ABCC4: variants seen among roughly 807,000 people sequenced by gnomAD.
ABCC4 encodes the protein ATP-binding cassette sub-family C member 4.
Under a neutral mutation model 168.5 loss-of-function variants are expected in ABCC4, and 102 were observed. The observed-to-expected ratio is 0.61, with a 90% CI of 0.52 to 0.71. The LOEUF (loss-of-function observed/expected upper bound fraction) is 0.71, where lower values mean the gene tolerates loss of function less well. Ranked by LOEUF, ABCC4 falls within the 30% of genes least tolerant of loss-of-function variation. The pLI is 0.00. For missense variants in ABCC4, 1,402 were observed against 1,605.8 expected, an observed-to-expected ratio of 0.87 and a Z score of 2.17; for synonymous variants, 617 against 590.7, an observed-to-expected ratio of 1.04 and a Z score of -0.65.
intron 4 of ABCC4, among the ~76,000 whole-genome samples, chr13:95,226,513 G>T (rs2039470864): frequency 6.6e-6 from 1 of 152,130 alleles, no homozygotes; most frequent in African/African-American, 2.4e-5. Flanking sequence ...TGGGGAAAGA[G>T]TAGTCTTCAA....
chr13:95,130,171 T>G (rs1319080644), intron 19 of ABCC4, among the ~76,000 whole-genome samples: 1 of 151,888 alleles, frequency 6.6e-6, no homozygotes, highest in Non-Finnish European at 1.5e-5. Flanking sequence ...CAATAGGAAA[T>G]AAAGATCGAC....
chr13:95,190,039 T>TAA (rs112163009), intron 9 of ABCC4, among the ~76,000 whole-genome samples: 29 of 149,542 alleles, frequency 1.9e-4, no homozygotes, highest in Middle Eastern at 6.9e-3. Flanking sequence ...CTGCTAATGT[T>TAA]AAAAAAAAAA....
intron 12 of ABCC4, 48 bp from the exon 13 acceptor site, chr13:95,177,841 C>A: frequency 1.3e-6 from 2 of 1,549,400 alleles, no homozygotes; most frequent in Non-Finnish European, 8.9e-7. Context: ...AACATGACAA[C>A]TTTCAACAAC....
intron 11 of ABCC4, among the ~76,000 whole-genome samples, chr13:95,181,590 G>A (rs2037894295): frequency 6.6e-6 from 1 of 152,202 alleles, no homozygotes. Context: ...TGCTCCACAG[G>A]TCAGCTCCTG....
intron 23 of ABCC4, 136 bp from the exon 24 acceptor site, chr13:95,073,440 AC>A (rs1181056111): frequency 2.0e-6 from 1 of 509,696 alleles, no homozygotes; most frequent in Non-Finnish European, 3.4e-6. Context: ...CTATACTTTT[AC>A]CATTTGTTGC....
chr13:95,163,736 A>G, intron 16 of ABCC4, 89 bp from the exon 17 acceptor site: 1 of 1,148,536 alleles, frequency 8.7e-7, no homozygotes, highest in Non-Finnish European at 1.3e-6. Flanking sequence ...GGACAACCGA[A>G]AGAAAGCCCT....
chr13:95,210,816 A>G, intron 4 of ABCC4, 35 bp from the exon 5 acceptor site: 1 of 1,514,768 alleles, frequency 6.6e-7, no homozygotes, highest in Non-Finnish European at 9.2e-7. Context: ...AATTGTATTC[A>G]TGCAGTGATA....
At chr13:95,185,451 T>C (rs2038027178) in intron 11 of ABCC4, among the ~76,000 whole-genome samples, 1 of 152,248 alleles carries the variant, frequency 6.6e-6, no homozygotes, top group Non-Finnish European at 1.5e-5. Flanking sequence ...ATGATTTCTC[T>C]ATCCAAATCG....
chr13:95,062,073 T>C (rs2033320807), intron 26 of ABCC4, among the ~76,000 whole-genome samples: 1 of 152,122 alleles, frequency 6.6e-6, no homozygotes, highest in South Asian at 2.1e-4. Flanking sequence ...ACTGGGTCTG[T>C]GTGAAATACA....
chr13:95,171,113 C>T (rs2037458993), intron 13 of ABCC4, among the ~76,000 whole-genome samples: 1 of 141,518 alleles, frequency 7.1e-6, no homozygotes, highest in East Asian at 2.2e-4. Flanking sequence ...GTGCATTTTC[C>T]AGACTCTTCT....
In ABCC4 at chr13:95,168,618, CAGG is replaced by C. The variant is rs1388413391; in HGVS notation, c.1824+1911_1824+1913del. 2.6e-5 allele frequency among the ~76,000 whole-genome samples: 4 copies of C among 152,064 alleles called. No homozygotes were observed. In the East Asian group the frequency reaches 7.7e-4, roughly 29 times the overall value. ...TTTCCATCGTTTTATTAAGAAATTGCAGGAGGAGAAACATTAAAACATTTGAAG... is the reference window on the plus strand; with the variant it reads ...TTTCCATCGTTTTATTAAGAAATTGCAGGAGAAACATTAAAACATTTGAAG... On this transcript the variant is annotated intron_variant, in intron 14 of 30. Transcript: ENST00000645237.
intron 4 of ABCC4, among the ~76,000 whole-genome samples, chr13:95,226,154 GGAA>G (rs1201288095): frequency 1.0e-4 from 1 of 9,568 alleles, no homozygotes; most frequent in Admixed American, 1.0e-3. Context: ...TACTTCATCT[GGAA>G]TTACTTCATC....
intron 25 of ABCC4, among the ~76,000 whole-genome samples, chr13:95,069,488 C>T (rs2033655309): frequency 6.6e-6 from 1 of 152,192 alleles, no homozygotes; most frequent in South Asian, 2.1e-4. Flanking sequence ...ATTGTAATCA[C>T]TTGAAAATGT....
chr13:95,291,521 TC>T (rs1436551350), intron 1 of ABCC4, among the ~76,000 whole-genome samples: 2 of 152,108 alleles, frequency 1.3e-5, no homozygotes, highest in South Asian at 4.1e-4. Flanking sequence ...TAGAGGACAT[TC>T]CTAGGACCCA....
intron 25 of ABCC4, among the ~76,000 whole-genome samples, chr13:95,069,078 A>G (rs2033641165): frequency 6.6e-6 from 1 of 152,224 alleles, no homozygotes; most frequent in Non-Finnish European, 1.5e-5. Flanking sequence ...TTTTCATGGC[A>G]CAAGGGTATC....
intron 20 of ABCC4, among the ~76,000 whole-genome samples, chr13:95,112,846 C>A (rs2035250449): frequency 6.6e-6 from 1 of 152,008 alleles, no homozygotes; most frequent in Non-Finnish European, 1.5e-5. Context: ...ATGTCAGCAG[C>A]ATGTTTATTA....
chr13:95,171,429 C>T (rs1297771662), intron 13 of ABCC4, among the ~76,000 whole-genome samples: 6 of 151,730 alleles, frequency 4.0e-5, no homozygotes, highest in Non-Finnish European at 1.5e-5. Context: ...TGGTGGCACA[C>T]ACCTGTAGTC....
At chr13:95,243,291 T>C (rs2138790224) in intron 3 of ABCC4, among the ~76,000 whole-genome samples, 1 of 152,310 alleles carries the variant, frequency 6.6e-6, no homozygotes, top group South Asian at 2.1e-4. Context: ...TCTTCATCCT[T>C]GCCAAGCAAA....
At chr13:95,073,105 T>C (rs2274401) in intron 24 of ABCC4, 99 bp downstream of exon 24, 202,004 of 900,994 alleles carry the variant, frequency 0.22, 24,121 homozygotes, top group African/African-American at 0.32. Context: ...TTACCAAAGA[T>C]GTAAAAATAA....
Sources: allele counts gnomAD v4.1 joint callset (sites outside exome capture counted in the v4.1 genomes callset), GRCh38; gene constraint gnomAD v4.1.1; transcripts MANE v1.5; gene names NCBI Gene and HGNC (gene_info 2026-07-23, HGNC 2026-07-21).